LPAR1: variants seen among roughly 807,000 people sequenced by gnomAD.
The protein encoded by LPAR1 is LPA receptor 1.
Under a neutral mutation model 23.8 loss-of-function variants are expected in LPAR1, and 5 were observed. The ratio of observed to expected loss-of-function variants is 0.21; its 90% CI spans 0.11 to 0.44. The LOEUF (loss-of-function observed/expected upper bound fraction) is 0.44. LPAR1 is among the 20% of genes least tolerant of loss of function. The probability of loss-of-function intolerance (pLI) is 0.99; values close to 1 mark genes in which losing one functional copy is unlikely to be tolerated. For missense variants in LPAR1, 311 were observed against 482.8 expected (o/e 0.64, Z 3.33); for synonymous variants, 160 against 164.7 (o/e 0.97, Z 0.22).
At chr9:110,880,659 C>T (rs1348442508) in intron 5 of LPAR1, among the ~76,000 whole-genome samples, 2 of 152,212 alleles carry the variant, frequency 1.3e-5, no homozygotes, top group Non-Finnish European at 2.9e-5. Flanking sequence ...TACAACAGCA[C>T]TGTGCCCAAG....
intron 2 of LPAR1, among the ~76,000 whole-genome samples, chr9:111,016,416 C>A (rs2097447475): frequency 6.6e-6 from 1 of 152,152 alleles, no homozygotes; most frequent in Non-Finnish European, 1.5e-5. Flanking sequence ...TTGACCTGAA[C>A]AAATAAACTG....
intron 2 of LPAR1, among the ~76,000 whole-genome samples, chr9:110,977,826 G>A (rs559801472): frequency 1.9e-3 from 178 of 95,086 alleles, no homozygotes; most frequent in African/African-American, 5.5e-3. Context: ...GAGGGCGGGA[G>A]GGAGGGAGGG....
At chr9:110,882,882 A>G (rs1231818253) in intron 5 of LPAR1, among the ~76,000 whole-genome samples, 1 of 152,180 alleles carries the variant, frequency 6.6e-6, no homozygotes, top group African/African-American at 2.4e-5. Flanking sequence ...ACTCACTCAT[A>G]TTCAGATATT....
chr9:110,970,857 C>T (rs1210649761), intron 4 of LPAR1, among the ~76,000 whole-genome samples: 3 of 152,156 alleles, frequency 2.0e-5, no homozygotes, highest in Admixed American at 6.6e-5. Context: ...TGCCCGAGGC[C>T]GGGCACAGTG....
chr9:111,000,220 A>T (rs1236612353), intron 2 of LPAR1, among the ~76,000 whole-genome samples: 1 of 152,188 alleles, frequency 6.6e-6, no homozygotes, highest in African/African-American at 2.4e-5. Flanking sequence ...ATAAATCAGC[A>T]AGCACAATAA....
chr9:110,884,689 G>T (rs2081882894), intron 5 of LPAR1, among the ~76,000 whole-genome samples: 1 of 152,180 alleles, frequency 6.6e-6, no homozygotes, highest in African/African-American at 2.4e-5. Context: ...AGAATATAAT[G>T]TCTTGGCTTT....
chr9:110,948,550 T>A (rs1440031197), intron 4 of LPAR1, among the ~76,000 whole-genome samples: 1 of 152,208 alleles, frequency 6.6e-6, no homozygotes, highest in Non-Finnish European at 1.5e-5. Flanking sequence ...TTTTATCTAT[T>A]ATAGCCCATT....
At chr9:110,946,233 G>A (rs2095372506) in intron 4 of LPAR1, among the ~76,000 whole-genome samples, 2 of 152,152 alleles carry the variant, frequency 1.3e-5, no homozygotes, top group African/African-American at 4.8e-5. Context: ...AAAAATTCAA[G>A]ATGCACCAGG....
intron 4 of LPAR1, among the ~76,000 whole-genome samples, chr9:110,961,617 C>CAAAAAAA (rs57773067): frequency 4.6e-4 from 37 of 79,818 alleles, no homozygotes; most frequent in Non-Finnish European, 5.5e-4. Flanking sequence ...GAGACTATCT[C>CAAAAAAA]AAAAAAAAAA....
intron 2 of LPAR1, among the ~76,000 whole-genome samples, chr9:111,028,546 T>C (rs2097740443): frequency 6.6e-6 from 1 of 152,098 alleles, no homozygotes; most frequent in South Asian, 2.1e-4. Context: ...TTGTCTTTTT[T>C]CTATCTTGCA....
chr9:111,019,518 C>T (rs781339612), intron 2 of LPAR1, among the ~76,000 whole-genome samples: 6 of 152,098 alleles, frequency 3.9e-5, no homozygotes, highest in Non-Finnish European at 7.4e-5. Flanking sequence ...TGAACGGCTA[C>T]TGGACAGAGT....
At chr9:110,956,117 A>G (rs1588522650) in intron 4 of LPAR1, among the ~76,000 whole-genome samples, 1 of 152,014 alleles carries the variant, frequency 6.6e-6, no homozygotes, top group Non-Finnish European at 1.5e-5. Flanking sequence ...AACCATCATT[A>G]TCAGCAAACT....
chr9:110,948,516 A>G (rs2095463303), intron 4 of LPAR1, among the ~76,000 whole-genome samples: 1 of 152,202 alleles, frequency 6.6e-6, no homozygotes, highest in Non-Finnish European at 1.5e-5. Context: ...TGCAACACAT[A>G]AATTGTAAGT....
chr9:110,941,403 A>G lies in LPAR1; in HGVS notation c.793+18T>C. 3 of 1,585,990 alleles carry G rather than the reference A, an allele frequency of 1.9e-6. No individual in the cohort carries two copies. The highest frequency in any genetic ancestry group is 2.6e-6 in the Non-Finnish European group (3 of 1,166,146). On this transcript the variant is annotated intron_variant, in intron 5 of 5. Transcript: ENST00000683809. This position sits in a 1 kb window ranked among gnomAD's most constrained non-coding sequence, Gnocchi z 6.1. ...ACTGAGAATCTATAAAGTAAGTTAC[A>G]GTCAAGACAGAACTTACCAAGCACA... is the stretch of plus-strand genomic sequence containing the variant.
chr9:110,951,064 A>G (rs897948246), intron 4 of LPAR1, among the ~76,000 whole-genome samples: 4 of 152,206 alleles, frequency 2.6e-5, no homozygotes, highest in Non-Finnish European at 1.5e-5. Flanking sequence ...CACACATATT[A>G]TAACTTGATA....
At chr9:110,878,766 G>A (rs575407861) in intron 5 of LPAR1, among the ~76,000 whole-genome samples, 8 of 152,254 alleles carry the variant, frequency 5.3e-5, no homozygotes, top group South Asian at 4.2e-4. Flanking sequence ...GCACGCTGGC[G>A]TTGCAGAGCC....
At chr9:110,887,339 T>C (rs1453473862) in intron 5 of LPAR1, among the ~76,000 whole-genome samples, 4 of 151,950 alleles carry the variant, frequency 2.6e-5, no homozygotes, top group African/African-American at 7.2e-5. Context: ...AACCTAAAAA[T>C]GTTTATATTT....
intron 2 of LPAR1, among the ~76,000 whole-genome samples, chr9:111,004,599 T>C (rs953150955): frequency 2.6e-5 from 4 of 152,170 alleles, no homozygotes; most frequent in Non-Finnish European, 5.9e-5. Flanking sequence ...AATTTTGCCC[T>C]ACTCACAACA....
intron 5 of LPAR1, among the ~76,000 whole-genome samples, chr9:110,911,768 T>C (rs1039126095): frequency 2.0e-5 from 3 of 152,216 alleles, no homozygotes; most frequent in African/African-American, 4.8e-5. Flanking sequence ...AACTATCATA[T>C]GAACCAGGAA....
Sources: gnomAD v4.1 joint callset for allele counts (sites outside exome capture counted in the v4.1 genomes callset) on GRCh38, gnomAD v4.1.1 for gene constraint, Gnocchi (gnomAD v3.1) non-coding constraint, MANE v1.5 for transcripts, NCBI Gene and HGNC (gene_info 2026-07-23, HGNC 2026-07-21) for gene names.